Variants in ADGRB3 observed in about 807,000 individuals in gnomAD.
ADGRB3 encodes the protein adhesion G protein-coupled receptor B3.
ADGRB3 carries 37 observed loss-of-function variants against 193.4 expected under a neutral mutation model. The ratio of observed to expected loss-of-function variants is 0.19; its 90% CI spans 0.15 to 0.25. The LOEUF (loss-of-function observed/expected upper bound fraction) is 0.25, where lower values mean the gene tolerates loss of function less well. Ranked by LOEUF, ADGRB3 falls within the 10% of genes least tolerant of loss-of-function variation. ADGRB3 has a pLI of 1.00. For missense variants in ADGRB3, 1,637 were observed against 1,852.9 expected (o/e 0.88, Z 2.14); for synonymous variants, 690 against 644.2 (o/e 1.07, Z -1.08).
rs140754081 is a variant in ADGRB3, at chr6:68,993,808, G to A, written c.1775G>A (p.Gly592Asp). The stretch of plus-strand genomic sequence containing the variant: ...GCTAAGGGGCAGCGAATGCTGGCAG[G>A]TGATGGAATGTCCCAGGTGACCAAG... ...HLAKGQRMLA[G>D]DGMSQVTKTL... is the part of the protein sequence containing the mutation. Residue 592 changes from glycine to aspartate, a missense_variant, in exon 11 of 32, where the codon GGT becomes GAT. Transcript: ENST00000370598. The A allele has an allele frequency of 1.2e-6, 2 of 1,613,942 alleles. No individual in the cohort carries two copies. The highest frequency in any genetic ancestry group is 2.7e-5 in the African/African-American group (2 of 75,022).
intron 3 of ADGRB3, among the ~76,000 whole-genome samples, chr6:68,828,507 C>G (rs1255728902): frequency 6.6e-6 from 1 of 152,114 alleles, no homozygotes; most frequent in East Asian, 1.9e-4. Context: ...TCACTGGTCT[C>G]TAAAAGTGTT....
intron 20 of ADGRB3, among the ~76,000 whole-genome samples, chr6:69,248,344 C>T (rs564947386): frequency 1.2e-4 from 19 of 152,040 alleles, no homozygotes; most frequent in Non-Finnish European, 2.2e-4. Context: ...CAGATATTCT[C>T]ACAAAAAAAA....
Position 69,103,634 on chromosome 6 carries a change from A to G in ADGRB3, c.2480+27596A>G, listed in dbSNP as rs60694009. On this transcript the variant is annotated intron_variant, in intron 17 of 31. Coordinates refer to ENST00000370598, the MANE Select transcript of ADGRB3 (RefSeq NM_001704.3). ...TTTTAAACTCTTTCCTGTGGCTTTT[A>G]TCTTTAATTTTATCCTGTAGTGAAT... Among the ~76,000 whole-genome samples, 265 of 151,976 alleles carry G rather than the reference A, an allele frequency of 1.7e-3. 2 individuals carry two copies. The highest frequency in any genetic ancestry group is 6.2e-3 in the African/African-American group (256 of 41,522).
chr6:68,703,107 A>C (rs1312820511), intron 3 of ADGRB3, among the ~76,000 whole-genome samples: 2 of 152,196 alleles, frequency 1.3e-5, no homozygotes, highest in Non-Finnish European at 2.9e-5. Flanking sequence ...AGTATGGTAA[A>C]ATGTTAGTAG....
At chr6:68,822,195 T>G (rs1455083044) in intron 3 of ADGRB3, among the ~76,000 whole-genome samples, 3 of 151,854 alleles carry the variant, frequency 2.0e-5, no homozygotes, top group Non-Finnish European at 4.4e-5. Context: ...GACAGACTAA[T>G]CTCAAATATG....
chr6:69,154,834 C>CTATA (rs1774787778), intron 17 of ADGRB3, among the ~76,000 whole-genome samples: 1 of 152,154 alleles, frequency 6.6e-6, no homozygotes, highest in African/African-American at 2.4e-5. Context: ...ATTCATCTAT[C>CTATA]TATATATTCA....
chr6:69,111,355 T>A (rs1170871416), intron 17 of ADGRB3, among the ~76,000 whole-genome samples: 3 of 152,198 alleles, frequency 2.0e-5, no homozygotes, highest in African/African-American at 7.2e-5. Context: ...TAGGTACATG[T>A]CTTTAGTCTG....
At chr6:68,714,868 T>C (rs1562003380) in intron 3 of ADGRB3, among the ~76,000 whole-genome samples, 1 of 151,758 alleles carries the variant, frequency 6.6e-6, no homozygotes, top group Non-Finnish European at 1.5e-5. Context: ...AATTAAGTTC[T>C]CTGAGATTAA....
intron 3 of ADGRB3, among the ~76,000 whole-genome samples, chr6:68,647,801 AAAG>A (rs1768251173): frequency 1.3e-5 from 2 of 152,296 alleles, no homozygotes; most frequent in South Asian, 4.1e-4. Flanking sequence ...TCTATTTTGA[AAAG>A]AAATTATCTT....
At chr6:69,048,130 A>C (rs891262727) in intron 13 of ADGRB3, 55 bp from the exon 14 acceptor site, 1 of 1,544,796 alleles carries the variant, frequency 6.5e-7, no homozygotes. Flanking sequence ...ATCAACACTG[A>C]TTACACTAAA....
At chr6:69,365,437 G>A (rs952361040) in intron 29 of ADGRB3, among the ~76,000 whole-genome samples, 1 of 151,978 alleles carries the variant, frequency 6.6e-6, no homozygotes, top group Non-Finnish European at 1.5e-5. Context: ...GACCTCTTCT[G>A]CGAATCCCTG....
At chr6:69,226,849 A>C (rs1766027642) in intron 17 of ADGRB3, among the ~76,000 whole-genome samples, 1 of 152,128 alleles carries the variant, frequency 6.6e-6, no homozygotes, top group Non-Finnish European at 1.5e-5. Flanking sequence ...AGCCTGAGCT[A>C]CCTCACATAA....
Position 69,260,016 on chromosome 6 carries a change from G to A in ADGRB3, c.2814+20790G>A, listed in dbSNP as rs7757299. ...TAATCAAAAACCATTTTTACATAGG[G>A]ATACCTTGTGTAAAGTCTGTTTTAA... On this transcript the variant is annotated intron_variant, in intron 20 of 31. Coordinates refer to ENST00000370598, the MANE Select transcript of ADGRB3 (RefSeq NM_001704.3). 3.3e-3 allele frequency among the ~76,000 whole-genome samples: 495 copies of A among 152,174 alleles called. 1 individual carries two copies. The highest frequency in any genetic ancestry group is 0.011 in the African/African-American group (467 of 41,518).
At chr6:69,370,077 C>T (rs915233648) in intron 29 of ADGRB3, among the ~76,000 whole-genome samples, 12 of 152,098 alleles carry the variant, frequency 7.9e-5, no homozygotes, top group Non-Finnish European at 1.2e-4. Flanking sequence ...TGAAATGCTG[C>T]GCTTGTAGTC....
intron 20 of ADGRB3, among the ~76,000 whole-genome samples, chr6:69,320,825 ATGTGTGTGTG>A (rs5877204): frequency 1.4e-5 from 2 of 146,262 alleles, no homozygotes; most frequent in African/African-American, 2.5e-5. Context: ...GCATGTGTGT[ATGTGTGTGTG>A]TGTGTGTGTG....
chr6:68,854,682 C>T (rs1764920364), intron 3 of ADGRB3, among the ~76,000 whole-genome samples: 1 of 152,118 alleles, frequency 6.6e-6, no homozygotes, highest in African/African-American at 2.4e-5. Context: ...CAGCATTTTA[C>T]AGATTTAGTG....
At chr6:68,932,097 C>A (rs1373159017) in intron 4 of ADGRB3, among the ~76,000 whole-genome samples, 2 of 152,100 alleles carry the variant, frequency 1.3e-5, no homozygotes, top group Non-Finnish European at 2.9e-5. Context: ...GACATTAAGT[C>A]AAGGCACACG....
At chr6:68,761,926 C>G (rs1009706776) in intron 3 of ADGRB3, among the ~76,000 whole-genome samples, 3 of 152,070 alleles carry the variant, frequency 2.0e-5, no homozygotes, top group African/African-American at 4.8e-5. Flanking sequence ...CTAGTATTTT[C>G]TATAAGAATG....
intron 2 of ADGRB3, among the ~76,000 whole-genome samples, chr6:68,637,886 A>T (rs1767993834): frequency 6.6e-6 from 1 of 152,080 alleles, no homozygotes; most frequent in Non-Finnish European, 1.5e-5. Flanking sequence ...AGGGCATGTC[A>T]CATTGAAATG....
Sources: gnomAD v4.1 joint callset for allele counts (sites outside exome capture counted in the v4.1 genomes callset) on GRCh38, gnomAD v4.1.1 for gene constraint, MANE v1.5 for transcripts, NCBI Gene and HGNC (gene_info 2026-07-23, HGNC 2026-07-21) for gene names.